PARD3B: variants seen among roughly 807,000 people sequenced by gnomAD.
PARD3B encodes the protein par-3 family cell polarity regulator beta.
A neutral mutation model predicts 130.2 loss-of-function variants in PARD3B; 103 were observed. The ratio of observed to expected loss-of-function variants is 0.79; its 90% CI spans 0.67 to 0.93. The LOEUF (loss-of-function observed/expected upper bound fraction) is 0.93, where lower values mean the gene tolerates loss of function less well. PARD3B is among the 40% of genes least tolerant of loss of function. PARD3B has a pLI of 0.00. For synonymous variants in PARD3B, 583 were observed against 553.2 expected (o/e 1.05, Z -0.76); for missense variants, 1,609 against 1,499.2 (o/e 1.07, Z -1.21).
intron 11 of PARD3B, among the ~76,000 whole-genome samples, chr2:205,159,552 A>C (rs1359735854): frequency 6.6e-6 from 1 of 152,210 alleles, no homozygotes; most frequent in Non-Finnish European, 1.5e-5. Flanking sequence ...ATGGAAATGT[A>C]GGCAAGGGTC....
At chr2:205,001,716 C>T (rs761551826) in intron 3 of PARD3B, among the ~76,000 whole-genome samples, 1 of 152,208 alleles carries the variant, frequency 6.6e-6, no homozygotes, top group Non-Finnish European at 1.5e-5. Context: ...ATGTGCTCCT[C>T]CCATGTGCCA....
rs977895289 is a variant in PARD3B at position 205,230,612 on chromosome 2, G to A, written c.2141-15166G>A. On this transcript the variant is annotated intron_variant, in intron 15 of 22. Coordinates refer to ENST00000406610, the MANE Select transcript of PARD3B (RefSeq NM_001302769.2). The surrounding 1 kb of genome is among the most constrained non-coding windows in gnomAD (Gnocchi z 4.1). ...TGCCTGGGGTTGGGGGAGGAGTGGT[G>A]CAAGCACTGCATTAGCCGCCCAACG... Among the ~76,000 whole-genome samples, 1 of 152,154 alleles carries A rather than the reference G, an allele frequency of 6.6e-6. No individual in the cohort carries two copies. The highest frequency in any genetic ancestry group is 2.4e-5 in the African/African-American group (1 of 41,436).
chr2:204,718,561 A>T (rs1290267349), intron 2 of PARD3B, among the ~76,000 whole-genome samples: 2 of 152,136 alleles, frequency 1.3e-5, no homozygotes, highest in African/African-American at 4.8e-5. Context: ...CTTCCTTGAC[A>T]TGTGGGGATT....
At position 204,568,954 on chromosome 2, in the gene PARD3B, G is replaced by GAAA. The variant is rs368465299; in HGVS notation, c.120+22835_120+22836insAAA. On this transcript the variant is annotated intron_variant, in intron 1 of 22. Coordinates refer to ENST00000406610, the MANE Select transcript of PARD3B (RefSeq NM_001302769.2). ...TGGGTGACAGAGTGAGACTGTCTCA[G>GAAA]GAAAAAAAAAAAAAAATTGCAGGAA... Among the ~76,000 whole-genome samples the GAAA allele has an allele frequency of 6.0e-4, 86 of 143,418 alleles. 3 individuals carry two copies. Among genetic ancestry groups the GAAA allele is most frequent in the African/African-American group, 2.3e-3 (85 of 37,212 alleles). 94.1% of individuals were successfully genotyped at this position (143,418 alleles called of 152,430 possible). A position where few individuals can be genotyped will look rare whatever the true frequency, so the allele number is the denominator to read the frequency against.
chr2:204,913,927 A>G (rs1366945792), intron 2 of PARD3B, among the ~76,000 whole-genome samples: 1 of 152,222 alleles, frequency 6.6e-6, no homozygotes, highest in African/African-American at 2.4e-5. Context: ...TTACCAAGAC[A>G]CTGAAGGCAC....
intron 2 of PARD3B, among the ~76,000 whole-genome samples, chr2:204,811,285 T>C (rs1248562560): frequency 6.6e-6 from 1 of 152,196 alleles, no homozygotes; most frequent in Non-Finnish European, 1.5e-5. Context: ...TGGAGTTAAA[T>C]TGGAACTTTT....
chr2:204,934,097 A>T (rs1415739967), intron 2 of PARD3B, among the ~76,000 whole-genome samples: 1 of 152,212 alleles, frequency 6.6e-6, no homozygotes, highest in African/African-American at 2.4e-5. Context: ...AATCAGTGAC[A>T]TCGATGGGAA....
In PARD3B at chr2:205,142,308, T is replaced by C. The variant is rs2033026593; in HGVS notation, c.1435-16414T>C. ...TATGTAACATTTGATTAATTCCAGT[T>C]TCCTTTACTAAACATGATAAAAAGT... is the stretch of plus-strand genomic sequence containing the variant. On this transcript the variant is annotated intron_variant, in intron 10 of 22. Coordinates refer to ENST00000406610, the MANE Select transcript of PARD3B (RefSeq NM_001302769.2). This position sits in a 1 kb window ranked among gnomAD's most constrained non-coding sequence, Gnocchi z 4.3. Among the ~76,000 whole-genome samples, 1 of 152,180 alleles carries C rather than the reference T, an allele frequency of 6.6e-6. No individual in the cohort carries two copies. The highest frequency in any genetic ancestry group is 6.5e-5 in the Admixed American group (1 of 15,284).
At position 204,883,796 on chromosome 2, in the gene PARD3B, G is replaced by C. The variant is rs150899852; in HGVS notation, c.223-81356G>C. Among the ~76,000 whole-genome samples, 1,151 of 147,056 alleles carry C rather than the reference G, an allele frequency of 7.8e-3. 18 individuals are homozygous for C. Among genetic ancestry groups the C allele is most frequent in the African/African-American group, 0.027 (1,052 of 39,652 alleles). On this transcript the variant is annotated intron_variant, in intron 2 of 22. Transcript: ENST00000406610. ...GCTCTGTCACCCAGGCTGGAGTGCA[G>C]TGGTGCAAGCTCGGCTCACTGCAAC...
At chr2:205,419,693 C>T (rs2046900343) in intron 19 of PARD3B, among the ~76,000 whole-genome samples, 1 of 152,096 alleles carries the variant, frequency 6.6e-6, no homozygotes, top group African/African-American at 2.4e-5. Context: ...CTGAACACTC[C>T]ACTAGCCAGG....
In PARD3B at chr2:205,154,552, A is replaced by G. The variant is rs375712120; in HGVS notation, c.1435-4170A>G. Among the ~76,000 whole-genome samples the G allele has an allele frequency of 4.6e-5, 7 of 152,224 alleles. No homozygotes were observed. In the East Asian group the frequency reaches 1.3e-3, roughly 29 times the overall value. On this transcript the variant is annotated intron_variant, in intron 10 of 22. Coordinates refer to ENST00000406610, the MANE Select transcript of PARD3B (RefSeq NM_001302769.2). ...CCATCAATCCCATTACTGGGTATATACCCAAAGGATTATAAATCATGCTAC... is the reference window on the plus strand; with the variant it reads ...CCATCAATCCCATTACTGGGTATATGCCCAAAGGATTATAAATCATGCTAC...
chr2:205,393,782 TA>T (rs1229894252), intron 18 of PARD3B, among the ~76,000 whole-genome samples: 3 of 152,060 alleles, frequency 2.0e-5, no homozygotes, highest in Non-Finnish European at 2.9e-5. Flanking sequence ...AGAAGTGAAC[TA>T]AATGAGAGAG....
At chr2:204,974,048 T>C (rs13386879) in intron 3 of PARD3B, among the ~76,000 whole-genome samples, 3,291 of 152,288 alleles carry the variant, frequency 0.022, 120 homozygotes, top group African/African-American at 0.075. Flanking sequence ...TGTTTATTCA[T>C]TGGCTTAATG....
At chr2:204,608,575 A>G (rs1212191928) in intron 1 of PARD3B, among the ~76,000 whole-genome samples, 1 of 152,194 alleles carries the variant, frequency 6.6e-6, no homozygotes, top group East Asian at 1.9e-4. Flanking sequence ...TCCTGAAAGC[A>G]TAAACTCTTT....
intron 3 of PARD3B, among the ~76,000 whole-genome samples, chr2:204,973,080 C>A (rs1691844585): frequency 6.6e-6 from 1 of 152,170 alleles, no homozygotes; most frequent in Non-Finnish European, 1.5e-5. Context: ...CATGCCCCCA[C>A]CAGTAAAACC....
intron 18 of PARD3B, among the ~76,000 whole-genome samples, chr2:205,314,819 T>C (rs2042505882): frequency 6.6e-6 from 1 of 152,152 alleles, no homozygotes; most frequent in South Asian, 2.1e-4. Flanking sequence ...ATTCAGAATC[T>C]ACCCATCTAA....
chr2:205,552,000 G>GA (rs1553543150), intron 21 of PARD3B, among the ~76,000 whole-genome samples: 1 of 152,180 alleles, frequency 6.6e-6, no homozygotes, highest in Non-Finnish European at 1.5e-5. Flanking sequence ...AACAGGTGGG[G>GA]AATCAATCAG....
chr2:204,904,591 C>T (rs2046980238), intron 2 of PARD3B, among the ~76,000 whole-genome samples: 2 of 151,852 alleles, frequency 1.3e-5, no homozygotes, highest in Non-Finnish European at 2.9e-5. Flanking sequence ...TTTTAAACAT[C>T]TTGTAGTTGA....
intron 10 of PARD3B, among the ~76,000 whole-genome samples, chr2:205,131,370 G>T (rs927898449): frequency 2.0e-5 from 3 of 152,140 alleles, no homozygotes; most frequent in African/African-American, 7.2e-5. Context: ...TGAAGTCCTT[G>T]CTAAGACAGA....
Sources: allele counts gnomAD v4.1 joint callset (sites outside exome capture counted in the v4.1 genomes callset), GRCh38; gene constraint gnomAD v4.1.1; non-coding constraint Gnocchi (gnomAD v3.1); transcripts MANE v1.5; gene names NCBI Gene and HGNC (gene_info 2026-07-23, HGNC 2026-07-21).